Variants in VWA8 observed in about 807,000 individuals in gnomAD.
VWA8 encodes the protein von Willebrand factor A domain-containing protein 8.
A neutral mutation model predicts 241.5 loss-of-function variants in VWA8; 221 were observed. The ratio of observed to expected loss-of-function variants is 0.91; its 90% CI spans 0.82 to 1.02. The LOEUF (loss-of-function observed/expected upper bound fraction) is 1.02, where lower values mean the gene tolerates loss of function less well. Ranked by LOEUF, VWA8 falls within the 50% of genes least tolerant of loss-of-function variation. The pLI is 0.00. For synonymous variants in VWA8, 852 were observed against 827.1 expected (o/e 1.03, Z -0.52); for missense variants, 2,322 against 2,328.7 (o/e 1.00, Z 0.06).
chr13:41,656,014 C>T (rs2139691280), intron 37 of VWA8, among the ~76,000 whole-genome samples: 1 of 152,234 alleles, frequency 6.6e-6, no homozygotes, highest in South Asian at 2.1e-4. Flanking sequence ...AAAGAAGAAA[C>T]ATTGTTATTT....
At chr13:41,852,860 T>A (rs926613872) in intron 12 of VWA8, among the ~76,000 whole-genome samples, 7 of 152,170 alleles carry the variant, frequency 4.6e-5, no homozygotes, top group African/African-American at 1.4e-4. Flanking sequence ...TATTCCTTTG[T>A]GGAATATTTT....
intron 37 of VWA8, among the ~76,000 whole-genome samples, chr13:41,635,389 G>C (rs981192923): frequency 6.6e-6 from 1 of 152,122 alleles, no homozygotes; most frequent in African/African-American, 2.4e-5. Flanking sequence ...TCAGCAAAAA[G>C]AGTTGAAAGT....
intron 2 of VWA8, among the ~76,000 whole-genome samples, chr13:41,928,857 A>G (rs1876971082): frequency 6.6e-6 from 1 of 152,066 alleles, no homozygotes; most frequent in Non-Finnish European, 1.5e-5. Context: ...GAGAAGACTC[A>G]AATAAATAAA....
In VWA8 at chr13:41,727,307, G is replaced by C. The variant is rs371338398; in HGVS notation, c.2645C>G (p.Ala882Gly). 1 of 1,512,576 alleles carries C rather than the reference G, an allele frequency of 6.6e-7. No homozygotes were observed. Among genetic ancestry groups the C allele is most frequent in the South Asian group, 1.3e-5 (1 of 77,048 alleles). 93.7% of individuals were successfully genotyped at this position (1,512,576 alleles called of 1,614,324 possible). A position where few individuals can be genotyped will look rare whatever the true frequency, so the allele number is the denominator to read the frequency against. Residue 882 changes from alanine to glycine, a missense_variant, in exon 24 of 45, where the codon GCT becomes GGT. By Grantham distance (60) the Ala-to-Gly change is moderately conservative (BLOSUM62 0). Transcript: ENST00000379310. Reference sequence around the variant, plus strand: ...AACATTTTCTCTTCCATTCACATTAGCAGAATCTGAAAAACAAAATTTGTT... The same window carrying C: ...AACATTTTCTCTTCCATTCACATTACCAGAATCTGAAAAACAAAATTTGTT... ...ADGRRIVANS[A>G]NVNGRENVVV...
chr13:41,764,833 A>G (rs1211232089), intron 20 of VWA8, among the ~76,000 whole-genome samples: 2 of 152,130 alleles, frequency 1.3e-5, no homozygotes, highest in East Asian at 3.9e-4. Context: ...TGTTTCCTCA[A>G]AGCACCAAGA....
In VWA8 at chr13:41,738,341, T is replaced by C. The variant is rs372217954; in HGVS notation, c.2427-6186A>G. Among the ~76,000 whole-genome samples the C allele has an allele frequency of 2.7e-3, 404 of 152,236 alleles. 5 individuals carry two copies. The highest frequency in any genetic ancestry group is 0.01 in the Middle Eastern group (3 of 294). ...GGGATAATATTCATAGAATATCATC[T>C]GTGATGAAACACTTTGCTCTTCAGA... is the stretch of plus-strand genomic sequence containing the variant. On this transcript the variant is annotated intron_variant, in intron 21 of 44. Coordinates refer to ENST00000379310, the MANE Select transcript of VWA8 (RefSeq NM_015058.2).
intron 9 of VWA8, among the ~76,000 whole-genome samples, chr13:41,882,482 A>T (rs1186101261): frequency 6.6e-6 from 1 of 152,096 alleles, no homozygotes; most frequent in Admixed American, 6.5e-5. Flanking sequence ...TAGCGAGCCG[A>T]GATCACACCA....
intron 2 of VWA8, among the ~76,000 whole-genome samples, chr13:41,949,025 C>A: frequency 1.1e-5 from 1 of 94,072 alleles, no homozygotes; most frequent in Non-Finnish European, 2.1e-5. Flanking sequence ...AACTAATCTA[C>A]CATCATAAAA....
At chr13:41,796,259 A>C (rs1335318445) in intron 17 of VWA8, among the ~76,000 whole-genome samples, 1 of 152,054 alleles carries the variant, frequency 6.6e-6, no homozygotes, top group African/African-American at 2.4e-5. Context: ...TATTCTTTGG[A>C]AGTTTATTTA....
chr13:41,885,965 A>G lies in VWA8; in HGVS notation c.930T>C (p.Leu310=). Residue 310 remains leucine, a synonymous_variant, in exon 8 of 45, where the codon CTT becomes CTC. Coordinates refer to ENST00000379310, the MANE Select transcript of VWA8 (RefSeq NM_015058.2). ...CTAAACTATCTAAAGGAAAGTCTGG[A>G]AGTCCAAGAGTAGAAGATTCTTGGG... ...LCSQESSTLG[L]PDFPLDSLAA... 6.2e-7 allele frequency: 1 copy of G among 1,607,014 alleles called. No individual in the cohort carries two copies. Among genetic ancestry groups the G allele is most frequent in the Non-Finnish European group, 8.5e-7 (1 of 1,178,238 alleles).
chr13:41,877,556 T>C (rs937306943), intron 9 of VWA8, among the ~76,000 whole-genome samples: 4 of 152,134 alleles, frequency 2.6e-5, no homozygotes, highest in Non-Finnish European at 5.9e-5. Flanking sequence ...AAAAAATGAA[T>C]GCTCAATTAG....
At chr13:41,836,022 C>A (rs1208223194) in intron 12 of VWA8, among the ~76,000 whole-genome samples, 3 of 152,150 alleles carry the variant, frequency 2.0e-5, no homozygotes, top group African/African-American at 7.2e-5. Context: ...GATTCTGATT[C>A]ATCAGGGCCA....
chr13:41,708,222 G>A (rs936074285), intron 26 of VWA8, among the ~76,000 whole-genome samples: 18 of 152,190 alleles, frequency 1.2e-4, no homozygotes, highest in South Asian at 4.2e-4. Context: ...TTAGCCAGGC[G>A]TGGTGGCGCA....
At chr13:41,921,719 A>T (rs374649721) in intron 2 of VWA8, among the ~76,000 whole-genome samples, 1 of 152,234 alleles carries the variant, frequency 6.6e-6, no homozygotes, top group Non-Finnish European at 1.5e-5. Context: ...TAGGAATCCA[A>T]CTTACAAGGG....
At chr13:41,833,131 G>A (rs946339813) in intron 13 of VWA8, among the ~76,000 whole-genome samples, 1 of 152,054 alleles carries the variant, frequency 6.6e-6, no homozygotes, top group African/African-American at 2.4e-5. Flanking sequence ...TTTTTGCAGT[G>A]CCTACACACG....
At position 41,575,807 on chromosome 13, in the gene VWA8, T is replaced by C; in HGVS notation, c.5303A>G (p.Tyr1768Cys). 2 of 1,613,356 alleles carry C rather than the reference T, an allele frequency of 1.2e-6. No individual in the cohort carries two copies. Among genetic ancestry groups the C allele is most frequent in the South Asian group, 2.2e-5 (2 of 91,010 alleles). ...GTTCATTGGAACCAGACCAATGTTG[T>C]AGCCATCTCCAGAGTGTCCAACGAT... is the stretch of plus-strand genomic sequence containing the variant. ...YDIVGHSGDG[Y>C]NIGLVPMNKI... Residue 1768 changes from tyrosine (Y) to cysteine (C), a missense_variant, in exon 43 of 45, where the codon TAC (tyrosine) becomes TGC (cysteine). Coordinates refer to ENST00000379310, the MANE Select transcript of VWA8 (RefSeq NM_015058.2).
At chr13:41,885,336 C>T (rs894749812) in intron 8 of VWA8, among the ~76,000 whole-genome samples, 1 of 152,208 alleles carries the variant, frequency 6.6e-6, no homozygotes, top group African/African-American at 2.4e-5. Context: ...CCGCCATGCC[C>T]TTTGTGAAAC....
At chr13:41,620,537 C>T (rs2044650152) in intron 37 of VWA8, among the ~76,000 whole-genome samples, 1 of 152,054 alleles carries the variant, frequency 6.6e-6, no homozygotes, top group South Asian at 2.1e-4. Flanking sequence ...GCTCTTGCTT[C>T]TCTAGTTCTT....
chr13:41,729,422 T>C, intron 23 of VWA8, 120 bp downstream of exon 23: 1 of 977,880 alleles, frequency 1.0e-6, no homozygotes, highest in South Asian at 2.3e-5. Flanking sequence ...TACAGGCAAC[T>C]TAAGTCATAT....
Sources: allele counts gnomAD v4.1 joint callset (sites outside exome capture counted in the v4.1 genomes callset), GRCh38; gene constraint gnomAD v4.1.1; transcripts MANE v1.5; gene names NCBI Gene and HGNC (gene_info 2026-07-23, HGNC 2026-07-21).